The following STK33 variants were observed in gnomAD, a reference collection of about 807,000 sequenced individuals.
STK33 encodes the protein serine/threonine kinase 33, also known as serine/threonine-protein kinase 33.
In STK33, 52 loss-of-function variants were observed where a neutral mutation model predicts 58.0. The ratio of observed to expected loss-of-function variants is 0.90; its 90% CI spans 0.72 to 1.13. The LOEUF (loss-of-function observed/expected upper bound fraction) is 1.13, where lower values mean the gene tolerates loss of function less well. Among genes scored for constraint, STK33 ranks in the 50% most tolerant of loss-of-function variants. The pLI, the probability that STK33 is intolerant of heterozygous loss-of-function variation, is 0.00. For synonymous variants in STK33, 215 were observed against 200.1 expected, an observed-to-expected ratio of 1.07 and a Z score of -0.63; for missense variants, 630 against 604.2, an observed-to-expected ratio of 1.04 and a Z score of -0.45.
chr11:8,567,631 T>C (rs1326948009), intron 1 of STK33, among the ~76,000 whole-genome samples: 1 of 152,144 alleles, frequency 6.6e-6, no homozygotes, highest in Non-Finnish European at 1.5e-5. Flanking sequence ...CAGAAGCACA[T>C]AACTACACCT....
intron 1 of STK33, among the ~76,000 whole-genome samples, chr11:8,543,049 G>A (rs1955645100): frequency 6.6e-6 from 1 of 152,110 alleles, no homozygotes; most frequent in Admixed American, 6.6e-5. Context: ...ATCTCCATCA[G>A]TTTGATGCCG....
intron 1 of STK33, among the ~76,000 whole-genome samples, chr11:8,568,978 G>A (rs1957624360): frequency 1.3e-5 from 2 of 152,106 alleles, no homozygotes; most frequent in Admixed American, 6.6e-5. Context: ...TTCCTTTTTA[G>A]GAGTTATAAG....
chr11:8,395,606 G>A (rs961996148), intron 15 of STK33, among the ~76,000 whole-genome samples: 1 of 151,998 alleles, frequency 6.6e-6, no homozygotes, highest in East Asian at 1.9e-4. Flanking sequence ...TGATTATCTT[G>A]AAGATCATTC....
the STK33 span, among the ~76,000 whole-genome samples, chr11:8,349,445 T>G: frequency 2.0e-5 from 3 of 152,176 alleles, no homozygotes; most frequent in Non-Finnish European, 4.4e-5. Context: ...ATCCCAGGCC[T>G]CACATGCAGG....
At chr11:8,363,370 A>C in the STK33 span, among the ~76,000 whole-genome samples, 1 of 152,204 alleles carries the variant, frequency 6.6e-6, no homozygotes, top group South Asian at 2.1e-4. Context: ...TTTTAAAATA[A>C]ATTTACATAT....
intron 8 of STK33, among the ~76,000 whole-genome samples, chr11:8,457,680 A>C (rs952187552): frequency 6.6e-6 from 1 of 152,240 alleles, no homozygotes; most frequent in Admixed American, 6.5e-5. Flanking sequence ...AGAAGCTCAC[A>C]AATAGTTATC....
At chr11:8,565,810 A>G (rs1957410161) in intron 1 of STK33, 1 of 152,294 alleles carries the variant, frequency 6.6e-6, no homozygotes, top group Non-Finnish European at 1.5e-5. Context: ...GCTTCTGCCT[A>G]TCTCTAGCTA....
intron 1 of STK33, among the ~76,000 whole-genome samples, chr11:8,519,599 G>C (rs908199893): frequency 3.9e-5 from 6 of 152,018 alleles, no homozygotes; most frequent in Admixed American, 2.6e-4. Flanking sequence ...CTGCTAGCAA[G>C]ACTAATAAAG....
At chr11:8,424,559 A>C (rs1489326536) in intron 14 of STK33, among the ~76,000 whole-genome samples, 2 of 151,848 alleles carry the variant, frequency 1.3e-5, no homozygotes, top group Non-Finnish European at 2.9e-5. Flanking sequence ...CTGAGGAATC[A>C]TCACACTGAC....
At chr11:8,586,561 C>G (rs539602160) in intron 1 of STK33, among the ~76,000 whole-genome samples, 1 of 152,254 alleles carries the variant, frequency 6.6e-6, no homozygotes, top group Admixed American at 6.5e-5. Flanking sequence ...CAGTGGCTCA[C>G]ACCTGTAATC....
chr11:8,479,552 C>T (rs1408749014), intron 2 of STK33, among the ~76,000 whole-genome samples: 1 of 151,946 alleles, frequency 6.6e-6, no homozygotes, highest in Non-Finnish European at 1.5e-5. Context: ...TTATAAGCAA[C>T]CAGAAGCTGG....
intron 15 of STK33, among the ~76,000 whole-genome samples, chr11:8,401,303 G>T (rs1328161798): frequency 3.3e-5 from 5 of 152,102 alleles, no homozygotes; most frequent in East Asian, 1.9e-4. Context: ...AGAGCCCTCA[G>T]AAATAATGCT....
chr11:8,544,026 T>C (rs1447991001), intron 1 of STK33, among the ~76,000 whole-genome samples: 1 of 152,134 alleles, frequency 6.6e-6, no homozygotes, highest in African/African-American at 2.4e-5. Flanking sequence ...ATTTTTTTAT[T>C]ATACTTTAAG....
chr11:8,389,693 G>A (rs989216176), downstream of STK33, among the ~76,000 whole-genome samples: 9 of 152,162 alleles, frequency 5.9e-5, no homozygotes, highest in African/African-American at 1.2e-4. Flanking sequence ...TGTCTAACCT[G>A]GAACTTACAT....
Position 8,588,505 on chromosome 11 carries a change from C to G in STK33, c.-466+5578G>C, listed in dbSNP as rs190523910. 2.6e-3 allele frequency among the ~76,000 whole-genome samples: 395 copies of G among 152,284 alleles called. 7 individuals carry two copies. Among genetic ancestry groups the G allele is most frequent in the Admixed American group, 0.016 (237 of 15,288 alleles). On this transcript the variant is annotated intron_variant, in intron 1 of 15. Coordinates refer to ENST00000687296, the MANE Select transcript of STK33 (RefSeq NM_001352389.2). ...AAAGAATGAATCTGGACATCTACTT[C>G]AAATCATAAACAAAACTTAACTCAA...
downstream of STK33, among the ~76,000 whole-genome samples, chr11:8,391,700 A>G (rs1848632372): frequency 6.6e-6 from 1 of 152,230 alleles, no homozygotes; most frequent in Non-Finnish European, 1.5e-5. Context: ...CCAGGTGGAA[A>G]GGAGATGTCT....
chr11:8,435,941 CA>C, intron 13 of STK33, 85 bp downstream of exon 13: 1 of 675,272 alleles, frequency 1.5e-6, no homozygotes, highest in Non-Finnish European at 2.2e-6. Context: ...AATGACTAAA[CA>C]GAGATTTAAA....
At chr11:8,494,306 A>G in intron 1 of STK33, among the ~76,000 whole-genome samples, 1 of 152,238 alleles carries the variant, frequency 6.6e-6, no homozygotes, top group East Asian at 1.9e-4. Flanking sequence ...CACCAATAAC[A>G]GACAAACAGC....
chr11:8,500,825 C>T (rs1412110978), intron 1 of STK33, among the ~76,000 whole-genome samples: 1 of 152,126 alleles, frequency 6.6e-6, no homozygotes. Flanking sequence ...TACTGGCCTA[C>T]AACAGACATA....
Sources: allele counts gnomAD v4.1 joint callset (sites outside exome capture counted in the v4.1 genomes callset), GRCh38; gene constraint gnomAD v4.1.1; transcripts MANE v1.5; gene names NCBI Gene and HGNC (gene_info 2026-07-23, HGNC 2026-07-21).